SLC1A6: variants seen among roughly 807,000 people sequenced by gnomAD.
SLC1A6 encodes solute carrier family 1 member 6, also known as excitatory amino acid transporter 4.
SLC1A6 carries 15 observed loss-of-function variants against 42.1 expected under a neutral mutation model. The ratio of observed to expected loss-of-function variants is 0.36; its 90% CI spans 0.24 to 0.55. The LOEUF is 0.55. Ranked by LOEUF, SLC1A6 falls within the 20% of genes least tolerant of loss-of-function variation. The pLI, the probability that SLC1A6 is intolerant of heterozygous loss-of-function variation, is 0.88. For missense variants in SLC1A6, 542 were observed against 772.5 expected (o/e 0.70, Z 3.54); for synonymous variants, 317 against 319.7 (o/e 0.99, Z 0.09).
intron 1 of SLC1A6, among the ~76,000 whole-genome samples, chr19:15,002,122 C>T (rs2045875057): frequency 6.6e-6 from 1 of 151,968 alleles, no homozygotes; most frequent in African/African-American, 2.4e-5. Context: ...CAGGATCTTG[C>T]TGTGTTACCC....
intron 6 of SLC1A6, among the ~76,000 whole-genome samples, chr19:14,961,060 T>C (rs541429615): frequency 1.5e-5 from 2 of 135,412 alleles, no homozygotes; most frequent in South Asian, 5.1e-4. Flanking sequence ...TACAGCTGCA[T>C]GCCACCACAC....
upstream of SLC1A6, among the ~76,000 whole-genome samples, chr19:14,982,590 A>G (rs147879770): frequency 3.5e-3 from 539 of 152,370 alleles, 1 homozygote; most frequent in Non-Finnish European, 6.2e-3. Flanking sequence ...TAATATATCA[A>G]TATTACAATA....
At chr19:14,964,793 A>G (rs143807896) in intron 4 of SLC1A6, among the ~76,000 whole-genome samples, 9 of 152,308 alleles carry the variant, frequency 5.9e-5, no homozygotes, top group African/African-American at 1.7e-4. Flanking sequence ...TAGGCCCATG[A>G]TTAAGGTAGA....
rs1320404699 is a variant in SLC1A6, at chr19:14,954,270, C to A, written c.1229G>T (p.Arg410Leu). Residue 410 changes from arginine to leucine, a missense_variant, in exon 8 of 10, where the codon CGC becomes CTC. By Grantham distance (102) the Arg-to-Leu change is moderately radical (BLOSUM62 -2). Around this residue, in one of 6 missense-constraint regions of SLC1A6, gnomAD observed 298 missense variants for 419.4 expected, o/e 0.71. Transcript: ENST00000594383. The part of the protein sequence containing the change: ...CLEEGLGVDR[R>L]ITRFVLPVGA... Reference sequence around the variant, plus strand: ...CACGGGCAGGACGAACCTGGTGATGCGGCGGTCCACACCCAGGCCCTCCTC... The same window carrying A: ...CACGGGCAGGACGAACCTGGTGATGAGGCGGTCCACACCCAGGCCCTCCTC... 2 of 1,613,302 alleles carry A rather than the reference C, an allele frequency of 1.2e-6. No individual in the cohort carries two copies. Among genetic ancestry groups the A allele is most frequent in the African/African-American group, 2.7e-5 (2 of 74,938 alleles).
chr19:14,950,822 G>A (rs2045403622), intron 9 of SLC1A6, among the ~76,000 whole-genome samples: 2 of 151,854 alleles, frequency 1.3e-5, no homozygotes, highest in Non-Finnish European at 2.9e-5. Context: ...GCATGTGCCT[G>A]TAGTCCCAGC....
intron 1 of SLC1A6, among the ~76,000 whole-genome samples, chr19:14,990,746 G>T (rs2045815514): frequency 6.7e-6 from 1 of 149,046 alleles, no homozygotes; most frequent in East Asian, 2.0e-4. Flanking sequence ...TCCAGCCTGG[G>T]CAACAAGAGT....
chr19:15,006,269 G>A (rs189475779), intron 1 of SLC1A6, among the ~76,000 whole-genome samples: 13 of 152,252 alleles, frequency 8.5e-5, no homozygotes, highest in African/African-American at 2.2e-4. Flanking sequence ...TGAATTGCTC[G>A]AGATCACGTA....
rs1052857302 is a variant in SLC1A6 at position 14,987,446 on chromosome 19, C to T, written c.7-14529G>A. Among the ~76,000 whole-genome samples the T allele has an allele frequency of 1.2e-4, 18 of 150,792 alleles. 1 individual carries two copies. The highest frequency in any genetic ancestry group is 2.0e-4 in the Admixed American group (3 of 15,136). Reference sequence around the variant, plus strand: ...TCGCACCACTGCACTCCAGCCTGAGCGACAGAGCAAGACTCTGTCTCGGAA... The same window carrying T: ...TCGCACCACTGCACTCCAGCCTGAGTGACAGAGCAAGACTCTGTCTCGGAA... On this transcript the variant is annotated intron_variant, in intron 1 of 8. Transcript: ENST00000430939.
At chr19:15,009,317 CATAGAT>C in intron 1 of SLC1A6, among the ~76,000 whole-genome samples, 1 of 135,044 alleles carries the variant, frequency 7.4e-6, no homozygotes, top group African/African-American at 3.5e-5. Context: ...ATATATATCA[CATAGAT>C]ATCCTATCTA....
At chr19:15,007,175 A>G (rs942237431) in intron 1 of SLC1A6, among the ~76,000 whole-genome samples, 4 of 152,226 alleles carry the variant, frequency 2.6e-5, no homozygotes, top group Non-Finnish European at 5.9e-5. Context: ...AAGTTATGGT[A>G]TATAAATGCA....
intron 1 of SLC1A6, among the ~76,000 whole-genome samples, chr19:14,994,592 T>C (rs1287109065): frequency 6.6e-6 from 1 of 152,174 alleles, no homozygotes; most frequent in Non-Finnish European, 1.5e-5. Flanking sequence ...CCCCAGAAGG[T>C]GGATTTTTGT....
At chr19:14,960,488 T>A (rs2045499656) in intron 6 of SLC1A6, among the ~76,000 whole-genome samples, 1 of 152,100 alleles carries the variant, frequency 6.6e-6, no homozygotes, top group Non-Finnish European at 1.5e-5. Flanking sequence ...TGAGAATGAA[T>A]AAGTGAATAA....
upstream of SLC1A6, among the ~76,000 whole-genome samples, chr19:14,983,365 C>T (rs1342464528): frequency 6.6e-6 from 1 of 152,030 alleles, no homozygotes; most frequent in Non-Finnish European, 1.5e-5. Flanking sequence ...AGCTGAAGTG[C>T]TCAGTGTGTT....
At chr19:14,995,366 AAAAGGG>A (rs2045840946) in intron 1 of SLC1A6, among the ~76,000 whole-genome samples, 1 of 116,264 alleles carries the variant, frequency 8.6e-6, no homozygotes, top group South Asian at 2.8e-4. Context: ...AGAAAGAAAG[AAAAGGG>A]AAGGGAAGGG....
intron 3 of SLC1A6, 141 bp from the exon 4 acceptor site, chr19:14,968,648 C>T (rs1372000489): frequency 9.1e-6 from 6 of 659,912 alleles, no homozygotes; most frequent in South Asian, 1.9e-5. Context: ...ACCCCAAAAC[C>T]CACCCATTAC....
intron 3 of SLC1A6, among the ~76,000 whole-genome samples, chr19:14,971,060 G>A (rs2045634811): frequency 6.6e-6 from 1 of 152,060 alleles, no homozygotes; most frequent in Non-Finnish European, 1.5e-5. Context: ...AACCTGGGAG[G>A]TGGAGATTGC....
chr19:14,965,153 G>A (rs2045559841), intron 4 of SLC1A6, among the ~76,000 whole-genome samples: 1 of 151,934 alleles, frequency 6.6e-6, no homozygotes, highest in Non-Finnish European at 1.5e-5. Flanking sequence ...CCAAGTAGCT[G>A]GGATTAAAGT....
intron 1 of SLC1A6, chr19:14,973,716 G>C (rs1455201654): frequency 6.6e-6 from 1 of 152,500 alleles, no homozygotes; most frequent in African/African-American, 2.4e-5. Context: ...AGCTGCATAC[G>C]GAGCCCTAGA....
intron 1 of SLC1A6, among the ~76,000 whole-genome samples, chr19:14,999,080 G>A (rs11669888): frequency 0.14 from 20,870 of 151,694 alleles, 1,528 homozygotes; most frequent in Non-Finnish European, 0.15. Flanking sequence ...GGGTTTCATC[G>A]TGTTAGCCAT....
Sources: allele counts gnomAD v4.1 joint callset (sites outside exome capture counted in the v4.1 genomes callset), GRCh38; gene constraint gnomAD v4.1.1; regional missense constraint gnomAD v4.1.1; transcripts MANE v1.5; gene names NCBI Gene and HGNC (gene_info 2026-07-23, HGNC 2026-07-21).